SLC35F4: variants seen among roughly 807,000 people sequenced by gnomAD.
SLC35F4 encodes the protein chromosome 14 open reading frame 36.
Under a neutral mutation model 44.2 loss-of-function variants are expected in SLC35F4, and 24 were observed. That is an observed-to-expected ratio of 0.54 (90% CI 0.39 to 0.76). The LOEUF (loss-of-function observed/expected upper bound fraction) is 0.76. Ranked by LOEUF, SLC35F4 falls within the 30% of genes least tolerant of loss-of-function variation. The probability of loss-of-function intolerance (pLI) is 0.00; values close to 1 mark genes in which losing one functional copy is unlikely to be tolerated. For missense variants in SLC35F4, 562 were observed against 586.1 expected, an observed-to-expected ratio of 0.96 and a Z score of 0.42; for synonymous variants, 238 against 223.6, an observed-to-expected ratio of 1.06 and a Z score of -0.57.
chr14:57,667,023 A>C (rs1437523076), intron 1 of SLC35F4, among the ~76,000 whole-genome samples: 1 of 152,164 alleles, frequency 6.6e-6, no homozygotes, highest in African/African-American at 2.4e-5. Context: ...GCGTGGGCAA[A>C]GGCATCAGGT....
intron 1 of SLC35F4, among the ~76,000 whole-genome samples, chr14:57,621,068 T>C (rs1328547902): frequency 1.3e-5 from 2 of 151,382 alleles, no homozygotes; most frequent in Non-Finnish European, 3.0e-5. Context: ...CCATTCACAA[T>C]TGCTTCAAAG....
intron 1 of SLC35F4, among the ~76,000 whole-genome samples, chr14:57,921,453 T>C (rs1274548419): frequency 6.6e-6 from 1 of 152,242 alleles, no homozygotes; most frequent in East Asian, 1.9e-4. Context: ...TTTTCATCTC[T>C]AAAGCTGGAG....
intron 1 of SLC35F4, among the ~76,000 whole-genome samples, chr14:57,882,076 C>T (rs1291213518): frequency 1.3e-5 from 2 of 152,136 alleles, no homozygotes; most frequent in African/African-American, 2.4e-5. Flanking sequence ...ACCTGTAGCC[C>T]CTGCTGAGGA....
At chr14:57,697,107 A>T (rs2075406166) in intron 1 of SLC35F4, among the ~76,000 whole-genome samples, 1 of 152,138 alleles carries the variant, frequency 6.6e-6, no homozygotes, top group Non-Finnish European at 1.5e-5. Flanking sequence ...ATATTTTATT[A>T]TGTAAATTGC....
chr14:57,730,377 C>A (rs2076314918), intron 1 of SLC35F4, among the ~76,000 whole-genome samples: 1 of 147,280 alleles, frequency 6.8e-6, no homozygotes, highest in African/African-American at 2.5e-5. Flanking sequence ...TTGATTTGCA[C>A]TTCCCTGATG....
intron 1 of SLC35F4, among the ~76,000 whole-genome samples, chr14:57,720,161 C>T (rs551933266): frequency 2.6e-4 from 40 of 152,242 alleles, no homozygotes; most frequent in African/African-American, 8.7e-4. Flanking sequence ...TTGAACCTTC[C>T]TTGCATCCCT....
intron 1 of SLC35F4, among the ~76,000 whole-genome samples, chr14:57,685,236 A>G (rs537283069): frequency 2.0e-5 from 3 of 152,208 alleles, no homozygotes; most frequent in African/African-American, 7.2e-5. Flanking sequence ...GGTGGCATCA[A>G]TTGTGAGATT....
intron 1 of SLC35F4, among the ~76,000 whole-genome samples, chr14:57,626,259 A>G (rs995474655): frequency 1.4e-5 from 2 of 145,042 alleles, no homozygotes; most frequent in African/African-American, 5.1e-5. Context: ...GCCATGGCAC[A>G]TGTATAGCTA....
chr14:57,631,342 C>A (rs1421384779), intron 1 of SLC35F4, among the ~76,000 whole-genome samples: 2 of 151,980 alleles, frequency 1.3e-5, no homozygotes, highest in Non-Finnish European at 2.9e-5. Flanking sequence ...GAAAACATCA[C>A]AAAAACTCAC....
chr14:57,710,090 G>A (rs1375989857), intron 1 of SLC35F4, among the ~76,000 whole-genome samples: 3 of 152,200 alleles, frequency 2.0e-5, no homozygotes, highest in Admixed American at 6.6e-5. Flanking sequence ...AGGCCCAGAG[G>A]CCTAGGAGGG....
chr14:57,822,101 G>A (rs1883235341), intron 1 of SLC35F4, among the ~76,000 whole-genome samples: 1 of 152,222 alleles, frequency 6.6e-6, no homozygotes, highest in Admixed American at 6.5e-5. Context: ...CCCAGTGGCT[G>A]TTCTCTGGCT....
chr14:57,755,210 C>T (rs914140039), intron 1 of SLC35F4, among the ~76,000 whole-genome samples: 2 of 152,096 alleles, frequency 1.3e-5, no homozygotes, highest in Admixed American at 6.5e-5. Context: ...GCTGTGTTGG[C>T]GGGGTTCTAG....
At chr14:57,969,534 C>T (rs1880990007) in intron 1 of SLC35F4, among the ~76,000 whole-genome samples, 1 of 152,092 alleles carries the variant, frequency 6.6e-6, no homozygotes, top group Admixed American at 6.5e-5. Flanking sequence ...TGTAATCTGT[C>T]TATTCTCTAT....
At chr14:57,877,054 C>T (rs868201617) in intron 1 of SLC35F4, among the ~76,000 whole-genome samples, 1 of 151,726 alleles carries the variant, frequency 6.6e-6, no homozygotes, top group African/African-American at 2.4e-5. Context: ...AGGTTTGTTA[C>T]GTGGGTAAAC....
chr14:57,914,663 C>T (rs79839079), intron 1 of SLC35F4, among the ~76,000 whole-genome samples: 1 of 152,140 alleles, frequency 6.6e-6, no homozygotes, highest in African/African-American at 2.4e-5. Context: ...AAAGATCCTG[C>T]CCCTCAGCAC....
At chr14:57,731,760 GA>G (rs1475759089) in intron 1 of SLC35F4, among the ~76,000 whole-genome samples, 1 of 152,212 alleles carries the variant, frequency 6.6e-6, no homozygotes, top group Non-Finnish European at 1.5e-5. Context: ...AAAGAATTCA[GA>G]AAGAAGTCCA....
chr14:57,705,284 A>C (rs138522266), intron 1 of SLC35F4, among the ~76,000 whole-genome samples: 111 of 152,320 alleles, frequency 7.3e-4, no homozygotes, highest in African/African-American at 2.5e-3. Flanking sequence ...AAGGGCCAGA[A>C]GGTAGAATAT....
intron 1 of SLC35F4, among the ~76,000 whole-genome samples, chr14:57,634,759 G>T (rs955580438): frequency 6.6e-6 from 1 of 152,110 alleles, no homozygotes; most frequent in East Asian, 1.9e-4. Flanking sequence ...GATCACTGTG[G>T]TAACTGTGTG....
intron 3 of SLC35F4, among the ~76,000 whole-genome samples, chr14:57,582,796 T>C (rs1276371778): frequency 6.6e-6 from 1 of 152,206 alleles, no homozygotes; most frequent in Non-Finnish European, 1.5e-5. Flanking sequence ...CCTCAAAGTA[T>C]TGCAAATCAA....
Sources: allele counts gnomAD v4.1 joint callset (sites outside exome capture counted in the v4.1 genomes callset), GRCh38; gene constraint gnomAD v4.1.1; transcripts MANE v1.5; gene names NCBI Gene and HGNC (gene_info 2026-07-23, HGNC 2026-07-21).